Variants in PPP2R2B observed in about 807,000 individuals in gnomAD.
PPP2R2B encodes the protein protein phosphatase 2 regulatory subunit Bbeta, also known as serine/threonine-protein phosphatase 2A 55 kDa regulatory subunit B beta isoform.
Under a neutral mutation model 46.0 loss-of-function variants are expected in PPP2R2B, and 5 were observed. The ratio of observed to expected loss-of-function variants is 0.11; its 90% CI spans 0.06 to 0.23. The LOEUF is 0.23. Ranked by LOEUF, PPP2R2B falls within the 10% of genes least tolerant of loss-of-function variation. The pLI is 1.00. For synonymous variants in PPP2R2B, 215 were observed against 206.7 expected, an observed-to-expected ratio of 1.04 and a Z score of -0.34; for missense variants, 367 against 575.0, an observed-to-expected ratio of 0.64 and a Z score of 3.70.
intron 7 of PPP2R2B, among the ~76,000 whole-genome samples, chr5:146,630,980 G>A (rs1774386899): frequency 6.6e-6 from 1 of 152,206 alleles, no homozygotes; most frequent in African/African-American, 2.4e-5. Flanking sequence ...CAAGCTGATA[G>A]TGGCTGCTCA....
intron 1 of PPP2R2B, among the ~76,000 whole-genome samples, chr5:146,887,476 G>A (rs186934733): frequency 3.3e-5 from 5 of 152,048 alleles, no homozygotes; most frequent in East Asian, 3.9e-4. Context: ...AACTGAAGAC[G>A]AAAATATATA....
At chr5:146,709,761 C>A (rs1780113787) in intron 2 of PPP2R2B, among the ~76,000 whole-genome samples, 1 of 152,164 alleles carries the variant, frequency 6.6e-6, no homozygotes, top group South Asian at 2.1e-4. Context: ...GGGACAATAT[C>A]TTTGATGACA....
At chr5:146,676,271 T>G (rs1231250083) in intron 5 of PPP2R2B, among the ~76,000 whole-genome samples, 1 of 152,154 alleles carries the variant, frequency 6.6e-6, no homozygotes, top group African/African-American at 2.4e-5. Flanking sequence ...AAAAATGACC[T>G]GTACAGAGAA....
At chr5:146,698,322 A>T (rs1779323817) in intron 3 of PPP2R2B, among the ~76,000 whole-genome samples, 178 bp from the exon 4 acceptor site, 1 of 76,776 alleles carries the variant, frequency 1.3e-5, no homozygotes, top group Non-Finnish European at 2.3e-5. Context: ...AAAAAAATAT[A>T]TATATATATA....
chr5:147,071,828 C>T (rs1757610025), intron 2 of PPP2R2B, among the ~76,000 whole-genome samples: 1 of 152,178 alleles, frequency 6.6e-6, no homozygotes, highest in Non-Finnish European at 1.5e-5. Flanking sequence ...ATTGAATCTC[C>T]AGTGCCTAGA....
At chr5:146,881,213 A>G (rs1762156912), upstream of PPP2R2B, among the ~76,000 whole-genome samples, 2 of 151,978 alleles carry the variant, frequency 1.3e-5, no homozygotes, top group African/African-American at 4.8e-5. Context: ...CCACTTCCTC[A>G]TGTCTTGGCA....
chr5:146,796,035 C>G (rs1333359382), intron 2 of PPP2R2B, among the ~76,000 whole-genome samples: 1 of 152,090 alleles, frequency 6.6e-6, no homozygotes, highest in Non-Finnish European at 1.5e-5. Flanking sequence ...TAGTTACTGC[C>G]TAATAAGCAT....
chr5:146,908,255 A>G (rs1414245653), intron 1 of PPP2R2B, among the ~76,000 whole-genome samples: 1 of 152,228 alleles, frequency 6.6e-6, no homozygotes, highest in African/African-American at 2.4e-5. Context: ...AGATTGTACT[A>G]CATGACAGAT....
chr5:146,905,210 A>G (rs1309532742), intron 1 of PPP2R2B, among the ~76,000 whole-genome samples: 1 of 152,154 alleles, frequency 6.6e-6, no homozygotes, highest in Non-Finnish European at 1.5e-5. Context: ...TGGAAAATGG[A>G]ACACTGGAAA....
intron 2 of PPP2R2B, among the ~76,000 whole-genome samples, chr5:147,062,998 G>GAAA (rs1295646240): frequency 4.5e-5 from 5 of 110,104 alleles, no homozygotes; most frequent in Admixed American, 9.9e-5. Flanking sequence ...GAGGGAGGGA[G>GAAA]GGGGGAAGAA....
intron 2 of PPP2R2B, among the ~76,000 whole-genome samples, chr5:146,714,987 T>C (rs915836498): frequency 2.0e-5 from 3 of 152,176 alleles, no homozygotes; most frequent in Admixed American, 6.6e-5. Context: ...CTAACTCATA[T>C]ACACTTTAAA....
chr5:146,663,815 T>C (rs573647663), intron 5 of PPP2R2B, among the ~76,000 whole-genome samples: 6 of 152,000 alleles, frequency 3.9e-5, no homozygotes, highest in Non-Finnish European at 8.8e-5. Context: ...AGGTGGCTGT[T>C]GCAATTTATT....
chr5:146,837,939 G>A (rs747834031), intron 2 of PPP2R2B, among the ~76,000 whole-genome samples: 30 of 152,078 alleles, frequency 2.0e-4, no homozygotes, highest in Admixed American at 2.0e-4. Context: ...GTTGAGTTCC[G>A]GGGCATGTTT....
At chr5:146,902,050 A>G (rs996140995) in intron 1 of PPP2R2B, among the ~76,000 whole-genome samples, 1 of 152,208 alleles carries the variant, frequency 6.6e-6, no homozygotes, top group Admixed American at 6.5e-5. Flanking sequence ...AAAGCACAGC[A>G]AGGACATGAA....
At position 146,818,355 on chromosome 5, in the gene PPP2R2B, C is replaced by CAAA. The variant is rs113412098; in HGVS notation, c.70+59644_70+59646dup. Among the ~76,000 whole-genome samples, 463 of 144,156 alleles carry CAAA rather than the reference C, an allele frequency of 3.2e-3. 1 individual carries two copies. The highest frequency in any genetic ancestry group is 0.016 in the East Asian group (78 of 4,972). 94.6% of individuals were successfully genotyped at this position (144,156 alleles called of 152,430 possible). On this transcript the variant is annotated intron_variant, in intron 2 of 9. Coordinates refer to ENST00000394411, the MANE Select transcript of PPP2R2B (RefSeq NM_181675.4). ...CATCTATGCTAAAAAAAATTCACTG[C>CAAA]AAAAAAAAAAAAATCACGAGGATTT...
chr5:146,632,067 C>CCG (rs1774465483), intron 7 of PPP2R2B, among the ~76,000 whole-genome samples: 2 of 127,582 alleles, frequency 1.6e-5, no homozygotes, highest in Admixed American at 1.7e-4. Flanking sequence ...TTGTGCCCCC[C>CCG]CCCCCGCCCA....
At chr5:146,796,419 G>T (rs929183452) in intron 2 of PPP2R2B, among the ~76,000 whole-genome samples, 1 of 152,114 alleles carries the variant, frequency 6.6e-6, no homozygotes, top group Non-Finnish European at 1.5e-5. Context: ...CACCACTTCC[G>T]TGGCATCTGA....
Position 147,022,183 on chromosome 5 carries a change from T to C in PPP2R2B, c.79+33482A>G, listed in dbSNP as rs571356183. The stretch of plus-strand genomic sequence containing the variant: ...AACATAAGTGTTGTGTAGGAAACTA[T>C]CAAGTCATTGAACATACTGCAATTG... On this transcript the variant is annotated intron_variant, in intron 1 of 8. Transcript: ENST00000336640. 6.6e-5 allele frequency among the ~76,000 whole-genome samples: 10 copies of C among 152,204 alleles called. 1 individual carries two copies. The highest frequency in any genetic ancestry group is 2.4e-4 in the African/African-American group (10 of 41,546).
At chr5:146,768,417 G>T (rs374973034) in intron 2 of PPP2R2B, among the ~76,000 whole-genome samples, 53 of 152,100 alleles carry the variant, frequency 3.5e-4, no homozygotes, top group African/African-American at 1.3e-3. Flanking sequence ...ATTCCTGGGG[G>T]TGAAATGGTT....
Sources: gnomAD v4.1 joint callset for allele counts (sites outside exome capture counted in the v4.1 genomes callset) on GRCh38, gnomAD v4.1.1 for gene constraint, MANE v1.5 for transcripts, NCBI Gene and HGNC (gene_info 2026-07-23, HGNC 2026-07-21) for gene names.